SLC25A21: variants seen among roughly 807,000 people sequenced by gnomAD.
The protein encoded by SLC25A21 is mitochondrial 2-oxodicarboxylate carrier.
Under a neutral mutation model 43.8 loss-of-function variants are expected in SLC25A21, and 47 were observed. The ratio of observed to expected loss-of-function variants is 1.07; its 90% CI spans 0.85 to 1.37. The LOEUF is 1.37. Among genes scored for constraint, SLC25A21 ranks in the 40% most tolerant of loss-of-function variants. The pLI is 0.00. For missense variants in SLC25A21, 352 were observed against 350.2 expected (o/e 1.00, Z -0.04); for synonymous variants, 131 against 121.3 (o/e 1.08, Z -0.52).
At chr14:36,740,783 CA>C (rs1037003430) in intron 3 of SLC25A21, among the ~76,000 whole-genome samples, 2 of 152,064 alleles carry the variant, frequency 1.3e-5, no homozygotes, top group African/African-American at 4.8e-5. Flanking sequence ...TCATGTAGAG[CA>C]AGGCAAACCC....
chr14:37,072,714 A>G (rs966795547), intron 1 of SLC25A21, among the ~76,000 whole-genome samples: 6 of 152,208 alleles, frequency 3.9e-5, no homozygotes, highest in Non-Finnish European at 7.3e-5. Flanking sequence ...ACTATACTCC[A>G]GCCTGGGCGG....
At chr14:37,034,936 G>A (rs1566830957) in intron 1 of SLC25A21, among the ~76,000 whole-genome samples, 2 of 152,202 alleles carry the variant, frequency 1.3e-5, no homozygotes, top group African/African-American at 2.4e-5. Flanking sequence ...TTTGGGCCAG[G>A]CCCAATCATA....
chr14:36,753,723 G>GA (rs1178081315), intron 3 of SLC25A21, among the ~76,000 whole-genome samples: 1 of 152,128 alleles, frequency 6.6e-6, no homozygotes, highest in Non-Finnish European at 1.5e-5. Flanking sequence ...AATATTTATA[G>GA]AATTTCAGAA....
chr14:36,976,918 C>A (rs1045874473), intron 1 of SLC25A21, among the ~76,000 whole-genome samples: 1 of 152,220 alleles, frequency 6.6e-6, no homozygotes, highest in East Asian at 1.9e-4. Flanking sequence ...CATTTCCCAC[C>A]AGCTAATCAT....
intron 2 of SLC25A21, among the ~76,000 whole-genome samples, chr14:36,824,911 G>C (rs1888769999): frequency 6.6e-6 from 1 of 151,116 alleles, no homozygotes; most frequent in Non-Finnish European, 1.5e-5. Context: ...CAGGGGTATA[G>C]ACTATGAATG....
intron 1 of SLC25A21, among the ~76,000 whole-genome samples, chr14:37,112,501 T>A (rs1041638517): frequency 1.3e-5 from 2 of 152,220 alleles, no homozygotes; most frequent in East Asian, 3.8e-4. Context: ...TTCCTTGTAA[T>A]AATAGAATAT....
chr14:37,027,072 TTTCA>T (rs1233441902), intron 1 of SLC25A21, among the ~76,000 whole-genome samples: 2 of 152,146 alleles, frequency 1.3e-5, no homozygotes, highest in Non-Finnish European at 2.9e-5. Context: ...CTCACCTTAT[TTTCA>T]TTGAGGGGAG....
At chr14:37,070,920 A>T (rs1962157568) in intron 1 of SLC25A21, among the ~76,000 whole-genome samples, 1 of 152,144 alleles carries the variant, frequency 6.6e-6, no homozygotes. Context: ...TGCTCACTGG[A>T]CAAGCTGTCA....
At chr14:36,832,337 T>A (rs1463052860) in intron 2 of SLC25A21, among the ~76,000 whole-genome samples, 1 of 152,180 alleles carries the variant, frequency 6.6e-6, no homozygotes, top group Non-Finnish European at 1.5e-5. Context: ...ATTTTATGCC[T>A]CTTTGTTTTT....
intron 1 of SLC25A21, among the ~76,000 whole-genome samples, chr14:37,035,782 G>C (rs964265661): frequency 1.3e-5 from 2 of 152,236 alleles, no homozygotes. Context: ...AATCCTAATG[G>C]GCCGCCAATG....
chr14:36,728,195 A>G (rs979169898), intron 5 of SLC25A21, among the ~76,000 whole-genome samples: 1 of 152,230 alleles, frequency 6.6e-6, no homozygotes, highest in African/African-American at 2.4e-5. Context: ...TATAAAAAAA[A>G]GTAACTGAAA....
intron 2 of SLC25A21, among the ~76,000 whole-genome samples, chr14:36,859,547 C>T (rs1289654928): frequency 6.6e-6 from 1 of 152,090 alleles, no homozygotes; most frequent in Non-Finnish European, 1.5e-5. Context: ...GAGGCTTGAA[C>T]CTGAGCTGAC....
chr14:36,825,109 A>G lies in SLC25A21; in HGVS notation c.120-11108T>C, dbSNP rs142533904. 3.1e-3 allele frequency among the ~76,000 whole-genome samples: 467 copies of G among 152,298 alleles called. 3 individuals are homozygous for G. The highest frequency in any genetic ancestry group is 9.7e-3 in the African/African-American group (404 of 41,576). ...CTAACTGCATCGATACATTCTGGAC[A>G]ACAACAACAATAAAAGATCTGTCTA... On this transcript the variant is annotated intron_variant, in intron 2 of 9. Transcript: ENST00000331299.
chr14:36,756,284 C>T (rs973481788), intron 3 of SLC25A21, among the ~76,000 whole-genome samples: 1 of 152,184 alleles, frequency 6.6e-6, no homozygotes, highest in Non-Finnish European at 1.5e-5. Flanking sequence ...AGCTGGAAGA[C>T]GATGTTCGGC....
At position 37,072,157 on chromosome 14, in the gene SLC25A21, G is replaced by C. The variant is rs1320224284; in HGVS notation, c.70+100124C>G. On this transcript the variant is annotated intron_variant, in intron 1 of 9. Coordinates refer to ENST00000331299, the MANE Select transcript of SLC25A21 (RefSeq NM_030631.4). ...AGATTGCGCCACTGCACTCCAGCCT[G>C]CGTGACAGAGTGAGACTGTCTCAAA... Among the ~76,000 whole-genome samples the C allele has an allele frequency of 2.8e-5, 4 of 143,772 alleles. 1 individual carries two copies. The East Asian group carries it at 5.9e-4, about 21-fold the overall frequency. The allele number at this position is 143,772 out of a possible 152,430, so 94.3% of individuals were successfully genotyped here. A position where few individuals can be genotyped will look rare whatever the true frequency, so the allele number is the denominator to read the frequency against.
chr14:37,079,024 A>C (rs1044682875), intron 1 of SLC25A21, among the ~76,000 whole-genome samples: 2 of 152,230 alleles, frequency 1.3e-5, no homozygotes, highest in East Asian at 3.9e-4. Context: ...TTTCCTTAAA[A>C]AACTTTTTAA....
chr14:36,721,700 C>A (rs1443351023), intron 6 of SLC25A21, among the ~76,000 whole-genome samples: 1 of 152,134 alleles, frequency 6.6e-6, no homozygotes, highest in Non-Finnish European at 1.5e-5. Flanking sequence ...AATCATGGCA[C>A]CTGAATTATG....
At chr14:37,059,522 T>C (rs552533192) in intron 1 of SLC25A21, among the ~76,000 whole-genome samples, 1 of 152,310 alleles carries the variant, frequency 6.6e-6, no homozygotes, top group African/African-American at 2.4e-5. Flanking sequence ...CTCCAGATGA[T>C]ATCTTAAGTT....
intron 1 of SLC25A21, among the ~76,000 whole-genome samples, chr14:37,007,431 T>C (rs1245724399): frequency 6.6e-6 from 1 of 151,990 alleles, no homozygotes; most frequent in Non-Finnish European, 1.5e-5. Context: ...GGTTAAACCC[T>C]GTATCTACTA....
Sources: gnomAD v4.1 joint callset for allele counts (sites outside exome capture counted in the v4.1 genomes callset) on GRCh38, gnomAD v4.1.1 for gene constraint, MANE v1.5 for transcripts, NCBI Gene and HGNC (gene_info 2026-07-23, HGNC 2026-07-21) for gene names.